The following SPPL3 variants were observed in gnomAD, a reference collection of about 807,000 sequenced individuals.
SPPL3 encodes signal peptide peptidase like 3, also known as signal peptide peptidase-like 3.
SPPL3 carries 5 observed loss-of-function variants against 42.4 expected under a neutral mutation model. That is an observed-to-expected ratio of 0.12 (90% CI 0.06 to 0.25). The LOEUF (loss-of-function observed/expected upper bound fraction) is 0.25, where lower values mean the gene tolerates loss of function less well. SPPL3 is among the 10% of genes least tolerant of loss of function. SPPL3 has a pLI of 1.00. For synonymous variants in SPPL3, 195 were observed against 181.8 expected (o/e 1.07, Z -0.58); for missense variants, 235 against 489.0 (o/e 0.48, Z 4.90).
intron 1 of SPPL3, among the ~76,000 whole-genome samples, chr12:120,890,960 T>G (rs1400962436): frequency 6.6e-6 from 1 of 152,190 alleles, no homozygotes; most frequent in Non-Finnish European, 1.5e-5. Context: ...ATCAACTTGG[T>G]AAATCTAACC....
Position 120,800,097 on chromosome 12 carries a change from C to G in SPPL3, c.102-8540G>C, listed in dbSNP as rs115916825. 5.9e-3 allele frequency among the ~76,000 whole-genome samples: 894 copies of G among 152,308 alleles called. 11 individuals are homozygous for G. The highest frequency in any genetic ancestry group is 0.02 in the African/African-American group (812 of 41,554). ...CTTCATTCTCTTCCATCTTGACCTG[C>G]CTTCACAATCTTGTTATTGCTATAC... On this transcript the variant is annotated intron_variant, in intron 2 of 10. Coordinates refer to ENST00000353487, the MANE Select transcript of SPPL3 (RefSeq NM_139015.5).
At chr12:120,768,092 A>G (rs1049220451) in intron 8 of SPPL3, among the ~76,000 whole-genome samples, 19 of 152,260 alleles carry the variant, frequency 1.2e-4, no homozygotes, top group African/African-American at 4.3e-4. Context: ...CAGTGGAAAC[A>G]GCAGTAAGGC....
intron 1 of SPPL3, among the ~76,000 whole-genome samples, chr12:120,886,409 ACT>A (rs1873463269): frequency 6.6e-6 from 1 of 152,186 alleles, no homozygotes. Flanking sequence ...TCACAACCTT[ACT>A]CTGTCTAACC....
At chr12:120,865,114 C>T (rs186848475) in intron 1 of SPPL3, among the ~76,000 whole-genome samples, 2 of 152,336 alleles carry the variant, frequency 1.3e-5, no homozygotes, top group African/African-American at 2.4e-5. Context: ...AGGGGCCACA[C>T]TTTGAGAAGT....
chr12:120,850,931 G>A (rs1199099953), intron 1 of SPPL3, among the ~76,000 whole-genome samples: 1 of 151,988 alleles, frequency 6.6e-6, no homozygotes, highest in Non-Finnish European at 1.5e-5. Context: ...GATTATATTG[G>A]GCCAACACAG....
chr12:120,780,032 G>T (rs1052907281), intron 6 of SPPL3, among the ~76,000 whole-genome samples: 4 of 150,290 alleles, frequency 2.7e-5, no homozygotes, highest in Non-Finnish European at 4.4e-5. Context: ...AGAATGATAC[G>T]GTTTAAAAGA....
At chr12:120,846,405 A>G (rs947420299) in intron 1 of SPPL3, among the ~76,000 whole-genome samples, 1 of 152,236 alleles carries the variant, frequency 6.6e-6, no homozygotes, top group African/African-American at 2.4e-5. Context: ...TTTCAATTAT[A>G]TTAAAAGCAG....
chr12:120,871,813 ATACT>A (rs759498273), intron 1 of SPPL3, among the ~76,000 whole-genome samples: 5 of 152,182 alleles, frequency 3.3e-5, no homozygotes, highest in Admixed American at 2.0e-4. Context: ...ATCCTTCCAT[ATACT>A]TTAAATCATC....
chr12:120,860,643 G>C (rs1453011312), intron 1 of SPPL3, among the ~76,000 whole-genome samples: 1 of 152,072 alleles, frequency 6.6e-6, no homozygotes, highest in African/African-American at 2.4e-5. Flanking sequence ...CTTTTTTCTG[G>C]TAATTTGTGT....
chr12:120,823,785 G>C (rs1871152331), intron 1 of SPPL3, among the ~76,000 whole-genome samples: 2 of 151,986 alleles, frequency 1.3e-5, no homozygotes, highest in African/African-American at 4.8e-5. Context: ...ATTTTGTACA[G>C]ATGAAAAAAC....
Position 120,810,823 on chromosome 12 carries a change from G to T in SPPL3, c.87C>A (p.Val29=). The change falls in exon 2 of 11, where the codon GTC becomes GTA. Residue 29 remains valine, a synonymous_variant. Transcript: ENST00000353487. The stretch of plus-strand genomic sequence containing the variant: ...GAATATCTTACCTGAAACTACCATA[G>T]ACTATAAGAAGAATGGAAATCAGAA... The part of the protein sequence containing the change: ...STFLISILLI[V]YGSFRSLNMD... 1 of 1,610,732 alleles carries T rather than the reference G, an allele frequency of 6.2e-7. No homozygotes were observed. Among genetic ancestry groups the T allele is most frequent in the Non-Finnish European group, 8.5e-7 (1 of 1,177,138 alleles).
At chr12:120,858,381 G>A (rs1488485738) in intron 1 of SPPL3, among the ~76,000 whole-genome samples, 12 of 151,842 alleles carry the variant, frequency 7.9e-5, no homozygotes, top group South Asian at 4.2e-4. Context: ...GCTTGAACCC[G>A]GGAAGCGGAG....
intron 2 of SPPL3, among the ~76,000 whole-genome samples, chr12:120,806,474 A>G (rs73411986): frequency 0.081 from 12,320 of 152,158 alleles, 618 homozygotes; most frequent in East Asian, 0.2. Context: ...TTAAATTTGT[A>G]CCTCATGCCA....
At chr12:120,809,781 C>T (rs563505153) in intron 2 of SPPL3, among the ~76,000 whole-genome samples, 3 of 152,212 alleles carry the variant, frequency 2.0e-5, no homozygotes, top group Admixed American at 1.3e-4. Context: ...GGTAATGCTA[C>T]AAGGCACAAC....
At chr12:120,788,362 A>C (rs1250840850) in intron 3 of SPPL3, among the ~76,000 whole-genome samples, 1 of 152,170 alleles carries the variant, frequency 6.6e-6, no homozygotes, top group African/African-American at 2.4e-5. Flanking sequence ...ACATTATTAT[A>C]ATCTGAAGTA....
intron 1 of SPPL3, among the ~76,000 whole-genome samples, chr12:120,880,970 C>T (rs1172244254): frequency 1.3e-5 from 2 of 151,846 alleles, no homozygotes; most frequent in Admixed American, 6.6e-5. Context: ...CTCAGCATCA[C>T]TAATCACTAG....
intron 1 of SPPL3, among the ~76,000 whole-genome samples, chr12:120,869,687 G>C (rs907027262): frequency 2.0e-5 from 3 of 152,150 alleles, no homozygotes; most frequent in Non-Finnish European, 4.4e-5. Flanking sequence ...TCTTATGTTA[G>C]CATTTTCGCT....
intron 3 of SPPL3, among the ~76,000 whole-genome samples, chr12:120,788,739 C>T (rs576108654): frequency 5.3e-5 from 8 of 152,268 alleles, no homozygotes; most frequent in African/African-American, 1.7e-4. Flanking sequence ...CTTCTGATTA[C>T]TGTCTCCTTC....
At chr12:120,825,025 T>C (rs1871196794) in intron 1 of SPPL3, among the ~76,000 whole-genome samples, 1 of 151,832 alleles carries the variant, frequency 6.6e-6, no homozygotes, top group South Asian at 2.1e-4. Context: ...CCCTTTCTCA[T>C]AGTGTGCCCT....
Sources: gnomAD v4.1 joint callset for allele counts (sites outside exome capture counted in the v4.1 genomes callset) on GRCh38, gnomAD v4.1.1 for gene constraint, MANE v1.5 for transcripts, NCBI Gene and HGNC (gene_info 2026-07-23, HGNC 2026-07-21) for gene names.